The following ABCD3 variants were observed in gnomAD, a reference collection of about 807,000 sequenced individuals.
ABCD3 encodes the protein ATP-binding cassette sub-family D member 3.
Under a neutral mutation model 105.5 loss-of-function variants are expected in ABCD3, and 41 were observed. The ratio of observed to expected loss-of-function variants is 0.39; its 90% CI spans 0.30 to 0.50. The LOEUF (loss-of-function observed/expected upper bound fraction) is 0.50, where lower values mean the gene tolerates loss of function less well. Ranked by LOEUF, ABCD3 falls within the 20% of genes least tolerant of loss-of-function variation. The probability of loss-of-function intolerance (pLI) is 0.84; values close to 1 mark genes in which losing one functional copy is unlikely to be tolerated. For missense variants in ABCD3, 622 were observed against 806.3 expected (o/e 0.77, Z 2.77); for synonymous variants, 258 against 269.0 (o/e 0.96, Z 0.40).
intron 1 of ABCD3, among the ~76,000 whole-genome samples, chr1:94,435,797 A>T (rs1659880741): frequency 6.6e-6 from 1 of 151,342 alleles, no homozygotes; most frequent in African/African-American, 2.4e-5. Context: ...TCAAAATAAT[A>T]TGTTAATTTC....
At chr1:94,491,119 T>G in intron 15 of ABCD3, 65 bp from the exon 16 acceptor site, 2 of 1,092,704 alleles carry the variant, frequency 1.8e-6, no homozygotes, top group Non-Finnish European at 2.8e-6. Context: ...GTATTTTTGG[T>G]ATTGAGTTGT....
chr1:94,404,840 C>A, the ABCD3 span, among the ~76,000 whole-genome samples: 1 of 150,358 alleles, frequency 6.7e-6, no homozygotes, highest in Admixed American at 6.7e-5. Flanking sequence ...TATTTCATTT[C>A]AGTTCCTAGA....
chr1:94,479,261 C>T (rs190494498), intron 8 of ABCD3, among the ~76,000 whole-genome samples: 1 of 152,024 alleles, frequency 6.6e-6, no homozygotes, highest in African/African-American at 2.4e-5. Flanking sequence ...CTTCTTGTCT[C>T]CTTGCAGTCA....
At chr1:94,471,386 C>T (rs1051757270) in intron 4 of ABCD3, among the ~76,000 whole-genome samples, 6 of 151,138 alleles carry the variant, frequency 4.0e-5, no homozygotes, top group East Asian at 3.9e-4. Flanking sequence ...AGTGAGACTT[C>T]GTCTTTACAA....
In ABCD3 at chr1:94,498,960, C is replaced by CT; in HGVS notation, c.1548dup (p.Gly517TrpfsTer23). The CT allele has an allele frequency of 6.2e-7, 1 of 1,613,850 alleles. No homozygotes were observed. Among genetic ancestry groups the CT allele is most frequent in the Non-Finnish European group, 8.5e-7 (1 of 1,179,908 alleles). On this transcript the variant is annotated frameshift_variant, in exon 19 of 23. Transcript: ENST00000370214. LOFTEE classifies it high-confidence loss of function. The stretch of plus-strand genomic sequence containing the variant: ...CTACTGTCAGAGACCTTACATGACC[C>CT]TTGGAACACTTCGAGATCAAGTGAT...
chr1:94,458,808 G>A (rs939624260), intron 2 of ABCD3, among the ~76,000 whole-genome samples, 165 bp downstream of exon 2: 3 of 152,132 alleles, frequency 2.0e-5, no homozygotes, highest in African/African-American at 7.2e-5. Context: ...ACTCCTGACA[G>A]GAAAGTGTTA....
At chr1:94,390,357 T>C in the ABCD3 span, among the ~76,000 whole-genome samples, 10 of 152,078 alleles carry the variant, frequency 6.6e-5, no homozygotes, top group Non-Finnish European at 1.2e-4. Context: ...GGCTGGAGTA[T>C]AGTGGTGTGA....
chr1:94,399,350 G>A, the ABCD3 span, among the ~76,000 whole-genome samples: 1 of 152,124 alleles, frequency 6.6e-6, no homozygotes, highest in African/African-American at 2.4e-5. Flanking sequence ...TCTGAAAAAC[G>A]ACTCTCCCTC....
chr1:94,466,083 C>T (rs1648119048), intron 3 of ABCD3, among the ~76,000 whole-genome samples: 1 of 152,122 alleles, frequency 6.6e-6, no homozygotes, highest in Non-Finnish European at 1.5e-5. Context: ...AGTAATGACA[C>T]TTGTTTTTTC....
At chr1:94,488,399 A>G (rs1244122744) in intron 13 of ABCD3, among the ~76,000 whole-genome samples, 3 of 151,858 alleles carry the variant, frequency 2.0e-5, no homozygotes, top group Non-Finnish European at 2.9e-5. Flanking sequence ...CTTTAATGGG[A>G]AAAAAAATGA....
chr1:94,508,204 A>G (rs2101058982), intron 21 of ABCD3, among the ~76,000 whole-genome samples: 1 of 152,324 alleles, frequency 6.6e-6, no homozygotes, highest in South Asian at 2.1e-4. Context: ...TTAGCTTTCT[A>G]CATATGGCTA....
At chr1:94,424,436 A>G (rs1659388031) in intron 1 of ABCD3, among the ~76,000 whole-genome samples, 1 of 151,780 alleles carries the variant, frequency 6.6e-6, no homozygotes, top group South Asian at 2.1e-4. Context: ...TTATTTATTT[A>G]TTTTGAGACG....
intron 22 of ABCD3, among the ~76,000 whole-genome samples, chr1:94,515,864 C>T (rs1345368591): frequency 3.5e-5 from 5 of 141,456 alleles, no homozygotes; most frequent in Non-Finnish European, 6.2e-5. Flanking sequence ...TTCTTTTCTT[C>T]TTTCCTTTCT....
At chr1:94,498,460 C>G in intron 16 of ABCD3, 142 bp from the exon 17 acceptor site, 2 of 831,876 alleles carry the variant, frequency 2.4e-6, no homozygotes, top group Non-Finnish European at 3.9e-6. Flanking sequence ...CTTCACTGCT[C>G]TACCTAATGC....
intron 21 of ABCD3, among the ~76,000 whole-genome samples, chr1:94,511,500 G>T (rs1283445493): frequency 6.6e-6 from 1 of 152,032 alleles, no homozygotes; most frequent in East Asian, 1.9e-4. Context: ...GAGTATCTTT[G>T]TGGTGTTCTC....
At chr1:94,498,891 GTTTA>G (rs766687550) in intron 18 of ABCD3, 43 bp downstream of exon 18, 6 of 1,610,322 alleles carry the variant, frequency 3.7e-6, no homozygotes, top group Non-Finnish European at 5.1e-6. Flanking sequence ...AGATCTTTTT[GTTTA>G]TTTATTTTTT....
intron 16 of ABCD3, among the ~76,000 whole-genome samples, chr1:94,494,531 A>G (rs1354642450): frequency 6.6e-6 from 1 of 152,088 alleles, no homozygotes; most frequent in Non-Finnish European, 1.5e-5. Flanking sequence ...GCAGCCTCTA[A>G]TTATTTTCTA....
At chr1:94,479,535 A>G (rs1013830892) in intron 8 of ABCD3, among the ~76,000 whole-genome samples, 1 of 152,292 alleles carries the variant, frequency 6.6e-6, no homozygotes. Flanking sequence ...AGGAATTACA[A>G]TGTGGTAAAA....
chr1:94,395,105 C>T, the ABCD3 span, among the ~76,000 whole-genome samples: 1 of 152,128 alleles, frequency 6.6e-6, no homozygotes, highest in African/African-American at 2.4e-5. Context: ...CTTGGGTATC[C>T]TCCTGAACCT....
Sources: gnomAD v4.1 joint callset for allele counts (sites outside exome capture counted in the v4.1 genomes callset) on GRCh38, gnomAD v4.1.1 for gene constraint, MANE v1.5 for transcripts, NCBI Gene and HGNC (gene_info 2026-07-23, HGNC 2026-07-21) for gene names.